PRKAB1: variants seen among roughly 807,000 people sequenced by gnomAD.
The protein encoded by PRKAB1 is protein kinase AMP-activated non-catalytic subunit beta 1, also known as 5'-AMP-activated protein kinase subunit beta-1.
Under a neutral mutation model 32.0 loss-of-function variants are expected in PRKAB1, and 18 were observed. The ratio of observed to expected loss-of-function variants is 0.56; its 90% CI spans 0.39 to 0.83. The LOEUF is 0.83. PRKAB1 is among the 40% of genes least tolerant of loss of function. The pLI is 0.00. For synonymous variants in PRKAB1, 141 were observed against 141.4 expected, an observed-to-expected ratio of 1.00 and a Z score of 0.02; for missense variants, 263 against 352.6, an observed-to-expected ratio of 0.75 and a Z score of 2.03.
Position 119,679,672 on chromosome 12 carries a change from C to A in PRKAB1, c.667-261C>A. 1 of 487,692 alleles carries A rather than the reference C, an allele frequency of 2.1e-6. No individual in the cohort carries two copies. The highest frequency in any genetic ancestry group is 2.0e-5 in the South Asian group (1 of 49,294). 30.2% of individuals were successfully genotyped at this position (487,692 alleles called of 1,614,324 possible). On this transcript the variant is annotated intron_variant, in intron 5 of 6. Transcript: ENST00000229328. The surrounding 1 kb of genome is among the most constrained non-coding windows in gnomAD (Gnocchi z 4.1). ...TAAGAGGACAGGGCCGTGGCCCACA[C>A]TTGAAAGAGGCCGGGGTAAATGCCT... is the stretch of plus-strand genomic sequence containing the variant.
intron 1 of PRKAB1, 133 bp downstream of exon 1, chr12:119,668,536 A>T: frequency 8.0e-7 from 1 of 1,246,476 alleles, no homozygotes; most frequent in Non-Finnish European, 1.1e-6. Flanking sequence ...CGGTGCACTT[A>T]AAAGCCAGAT....
chr12:119,678,472 C>T (rs867065542), intron 5 of PRKAB1: 2 of 152,192 alleles, frequency 1.3e-5, no homozygotes, highest in African/African-American at 4.8e-5. Context: ...ATCTCTTGAA[C>T]GTATTCCTCC....
intron 1 of PRKAB1, among the ~76,000 whole-genome samples, chr12:119,670,746 A>G (rs1161053179): frequency 6.6e-6 from 1 of 152,224 alleles, no homozygotes; most frequent in African/African-American, 2.4e-5. Context: ...CCAGATACCA[A>G]AAAAGTCGTG....
chr12:119,670,778 G>A (rs529153777), intron 1 of PRKAB1, among the ~76,000 whole-genome samples: 35 of 152,252 alleles, frequency 2.3e-4, no homozygotes, highest in African/African-American at 6.7e-4. Context: ...CTACACTAGG[G>A]TGCTATTTTG....
chr12:119,672,312 G>A lies in PRKAB1; in HGVS notation c.171G>A (p.Lys57=), dbSNP rs767216224. ...FHSEEIKAPE[K]EEFLAWQHDL... ...TGCTCTGCTTCTAGGCACCAGAGAA[G>A]GAGGAATTCCTGGCCTGGCAGCATG... is the stretch of plus-strand genomic sequence containing the variant. Residue 57 remains lysine (K), a synonymous_variant, in exon 2 of 7, where the codon AAG becomes AAA. Transcript: ENST00000229328. The A allele has an allele frequency of 1.9e-6, 3 of 1,607,076 alleles. No homozygotes were observed. Among genetic ancestry groups the A allele is most frequent in the South Asian group, 1.1e-5 (1 of 89,840 alleles).
chr12:119,669,938 G>C (rs1454274427), intron 1 of PRKAB1: 2 of 152,266 alleles, frequency 1.3e-5, no homozygotes, highest in African/African-American at 4.8e-5. Flanking sequence ...TCAGTGGGCG[G>C]TGAGGGTCTG....
At chr12:119,670,404 T>C (rs1054063672) in intron 1 of PRKAB1, among the ~76,000 whole-genome samples, 2 of 152,232 alleles carry the variant, frequency 1.3e-5, no homozygotes, top group Admixed American at 6.5e-5. Flanking sequence ...GTTTTGAGCC[T>C]GACTACAAAG....
chr12:119,672,448 C>G lies in PRKAB1; in HGVS notation c.307C>G (p.Leu103Val). The change falls in exon 2 of 7, where the codon CTT (leucine) becomes GTT (valine). Residue 103 changes from leucine to valine, a missense_variant. Physicochemically the swap from Leu to Val is conservative, Grantham distance 32. Coordinates refer to ENST00000229328, the MANE Select transcript of PRKAB1 (RefSeq NM_006253.5). ...LSGSFNNWSK[L>V]PLTRSHNNFV... Reference sequence around the variant, plus strand: ...TGGGTCCTTCAACAACTGGAGTAAACTTCCCCTCACCAGAAGGTAATTGCC... The same window carrying G: ...TGGGTCCTTCAACAACTGGAGTAAAGTTCCCCTCACCAGAAGGTAATTGCC... 1 of 1,587,754 alleles carries G rather than the reference C, an allele frequency of 6.3e-7. No individual in the cohort carries two copies.
chr12:119,670,264 C>G (rs1291910878), intron 1 of PRKAB1, among the ~76,000 whole-genome samples: 9 of 152,198 alleles, frequency 5.9e-5, no homozygotes, highest in African/African-American at 2.2e-4. Context: ...TGCCCTCTGC[C>G]CAACATACCC....
rs764667443 is a variant in PRKAB1, at chr12:119,679,942, G to A, written c.676G>A (p.Ala226Thr). ...CTTTGTTCCCTCACAGTGTGATCCA[G>A]CTTTGCTTCCTGAGCCCAATCACGT... ...NKDTGISCDP[A>T]LLPEPNHVML... Residue 226 changes from alanine to threonine, a missense_variant, in exon 6 of 7, where the codon GCT (alanine) becomes ACT (threonine). Physicochemically the swap from Ala to Thr is moderately conservative, Grantham distance 58. Transcript: ENST00000229328. The surrounding 1 kb of genome is among the most constrained non-coding windows in gnomAD (Gnocchi z 4.1). 1.2e-6 allele frequency: 2 copies of A among 1,614,150 alleles called. No individual in the cohort carries two copies. Among genetic ancestry groups the A allele is most frequent in the African/African-American group, 2.7e-5 (2 of 75,056 alleles).
At chr12:119,677,959 T>C (rs1033777842) in intron 5 of PRKAB1, 3 of 152,048 alleles carry the variant, frequency 2.0e-5, no homozygotes, top group African/African-American at 7.3e-5. Context: ...AAAGATGGGG[T>C]TTCACCATGT....
At chr12:119,670,352 T>C (rs1955378395) in intron 1 of PRKAB1, among the ~76,000 whole-genome samples, 1 of 152,242 alleles carries the variant, frequency 6.6e-6, no homozygotes, top group African/African-American at 2.4e-5. Flanking sequence ...TGTCCTCATG[T>C]TGAGCGAGGT....
chr12:119,671,466 C>A (rs538317265), intron 1 of PRKAB1: 8 of 417,476 alleles, frequency 1.9e-5, no homozygotes, highest in South Asian at 1.0e-4. Context: ...AGGAAACTTA[C>A]AATCATGGTA....
chr12:119,673,044 C>T (rs951693537), intron 2 of PRKAB1, among the ~76,000 whole-genome samples: 3 of 152,088 alleles, frequency 2.0e-5, no homozygotes, highest in African/African-American at 7.2e-5. Flanking sequence ...GCCTGGGCAA[C>T]ATAGTGAGAC....
At chr12:119,668,076 C>T (rs1045803522), upstream of PRKAB1, 1 of 831,550 alleles carries the variant, frequency 1.2e-6, no homozygotes, top group Non-Finnish European at 1.7e-6. Context: ...CTCGGCAACC[C>T]TGCCGACTCA....
At chr12:119,676,254 G>A (rs1955424908) in intron 4 of PRKAB1, among the ~76,000 whole-genome samples, 1 of 152,192 alleles carries the variant, frequency 6.6e-6, no homozygotes, top group Admixed American at 6.5e-5. Context: ...TTAAGTTATC[G>A]AGAATAGCCT....
rs1036338229 is a variant in PRKAB1 at position 119,679,667 on chromosome 12, C to T, written c.667-266C>T. The T allele has an allele frequency of 1.0e-5, 5 of 481,688 alleles. No homozygotes were observed. Among genetic ancestry groups the T allele is most frequent in the Non-Finnish European group, 1.9e-5 (5 of 261,878 alleles). The allele number at this position is 481,688 out of a possible 1,614,324, so 29.8% of individuals were successfully genotyped here. ...CTCCATAAGAGGACAGGGCCGTGGC[C>T]CACACTTGAAAGAGGCCGGGGTAAA... is the stretch of plus-strand genomic sequence containing the variant. On this transcript the variant is annotated intron_variant, in intron 5 of 6. Coordinates refer to ENST00000229328, the MANE Select transcript of PRKAB1 (RefSeq NM_006253.5). This position sits in a 1 kb window ranked among gnomAD's most constrained non-coding sequence, Gnocchi z 4.1.
Position 119,679,766 on chromosome 12 carries a change from C to A in PRKAB1, c.667-167C>A. 1 of 682,522 alleles carries A rather than the reference C, an allele frequency of 1.5e-6. No homozygotes were observed. The highest frequency in any genetic ancestry group is 2.6e-6 in the Non-Finnish European group (1 of 384,426). 42.3% of individuals were successfully genotyped at this position (682,522 alleles called of 1,614,324 possible). On this transcript the variant is annotated intron_variant, in intron 5 of 6. Coordinates refer to ENST00000229328, the MANE Select transcript of PRKAB1 (RefSeq NM_006253.5). The surrounding 1 kb of genome is among the most constrained non-coding windows in gnomAD (Gnocchi z 4.1). ...CTCCCTTCAGGTCAGAAGGCGTGAC[C>A]TTCATCTCACCTGTCGTCTTGGACA...
rs767397054 is a variant in PRKAB1, at chr12:119,674,485, G to T, written c.532+31G>T. 4 of 1,451,198 alleles carry T rather than the reference G, an allele frequency of 2.8e-6. No homozygotes were observed. The highest frequency in any genetic ancestry group is 3.4e-5 in the Admixed American group (2 of 59,622). The allele number at this position is 1,451,198 out of a possible 1,614,324, so 89.9% of individuals were successfully genotyped here. A position where few individuals can be genotyped will look rare whatever the true frequency, so the allele number is the denominator to read the frequency against. ...AACACAGTTATTTTATACCACATGC[G>T]TGCAGGTGGGGGCTGTACAGTCTAG... On this transcript the variant is annotated intron_variant, in intron 4 of 6. Transcript: ENST00000229328. This position sits in a 1 kb window ranked among gnomAD's most constrained non-coding sequence, Gnocchi z 4.3.
Sources: allele counts gnomAD v4.1 joint callset (sites outside exome capture counted in the v4.1 genomes callset), GRCh38; gene constraint gnomAD v4.1.1; non-coding constraint Gnocchi (gnomAD v3.1); transcripts MANE v1.5; gene names NCBI Gene and HGNC (gene_info 2026-07-23, HGNC 2026-07-21).